ABCC9: variants seen among roughly 807,000 people sequenced by gnomAD.
ABCC9 encodes the protein ATP binding cassette subfamily C member 9, also known as ATP-binding cassette sub-family C member 9.
In ABCC9, 95 loss-of-function variants were observed where a neutral mutation model predicts 188.3. The ratio of observed to expected loss-of-function variants is 0.50; its 90% confidence interval spans 0.43 to 0.60. The LOEUF is 0.60. Ranked by LOEUF, ABCC9 falls within the 20% of genes least tolerant of loss-of-function variation. The pLI, the probability that ABCC9 is intolerant of heterozygous loss-of-function variation, is 0.00. For missense variants in ABCC9, 1,102 were observed against 1,876.3 expected (o/e 0.59, Z 7.62); for synonymous variants, 659 against 652.7 (o/e 1.01, Z -0.15).
chr12:21,814,696 A>G lies in ABCC9; in HGVS notation c.4050T>C (p.Ser1350=). 1.9e-6 allele frequency: 3 copies of G among 1,614,072 alleles called. No homozygotes were observed. The South Asian group carries it at 3.3e-5, about 18-fold the overall frequency. Residue 1350 remains serine (S), a synonymous_variant, in exon 35 of 40, where the codon AGT becomes AGC. Coordinates refer to ENST00000261200, the MANE Select transcript of ABCC9 (RefSeq NM_020297.4). ...QKVGICGRTG[S]GKSSLSLAFF... is the part of the protein sequence containing the mutation. ...AAGCCAGAGATAACGATGATTTCCCACTGCCAGTGCGACCACATATGCCCA... is the reference window on the plus strand; with the variant it reads ...AAGCCAGAGATAACGATGATTTCCCGCTGCCAGTGCGACCACATATGCCCA...
At chr12:21,938,754 A>G (rs1949590113) in intron 2 of ABCC9, among the ~76,000 whole-genome samples, 1 of 152,164 alleles carries the variant, frequency 6.6e-6, no homozygotes, top group African/African-American at 2.4e-5. Context: ...TGCAAATTAC[A>G]CCCTTCATTA....
chr12:21,804,616 T>A (rs1384301666), intron 39 of ABCC9, among the ~76,000 whole-genome samples: 1 of 152,224 alleles, frequency 6.6e-6, no homozygotes, highest in Admixed American at 6.5e-5. Context: ...ACTGGAAAAA[T>A]TCGAGAAAGT....
At chr12:21,808,795 A>AG (rs1280259493) in intron 37 of ABCC9, among the ~76,000 whole-genome samples, 44 of 151,656 alleles carry the variant, frequency 2.9e-4, no homozygotes, top group African/African-American at 9.9e-4. Context: ...AAAAAAAAAA[A>AG]AAAAGAAAAA....
intron 22 of ABCC9, among the ~76,000 whole-genome samples, chr12:21,858,394 T>C (rs1945335160): frequency 6.6e-6 from 1 of 151,078 alleles, no homozygotes; most frequent in Admixed American, 6.6e-5. Flanking sequence ...ACCAATATGG[T>C]GAAACCCAGT....
At chr12:21,823,673 T>G (rs1484490446) in intron 31 of ABCC9, among the ~76,000 whole-genome samples, 1 of 152,254 alleles carries the variant, frequency 6.6e-6, no homozygotes, top group East Asian at 1.9e-4. Flanking sequence ...TAGATAAAGT[T>G]ACACCATTTT....
At chr12:21,939,518 G>C (rs994574857) in intron 2 of ABCC9, among the ~76,000 whole-genome samples, 2 of 152,120 alleles carry the variant, frequency 1.3e-5, no homozygotes, top group African/African-American at 4.8e-5. Context: ...GTTCAATTGG[G>C]AATGTTTGGG....
rs1555100687 is a variant in ABCC9, at chr12:21,882,764, A to G, written c.2019+2T>C. 6.2e-7 allele frequency: 1 copy of G among 1,603,364 alleles called. No homozygotes were observed. The highest frequency in any genetic ancestry group is 8.5e-7 in the Non-Finnish European group (1 of 1,170,212). On this transcript the variant is annotated splice_donor_variant, in intron 16 of 39. Coordinates refer to ENST00000261200, the MANE Select transcript of ABCC9 (RefSeq NM_020297.4). LOFTEE classifies it high-confidence loss of function. ...TGTAAGAATCCAGGAAATAAAAATA[A>G]CCTTTATTGCAATGTCCTCTGTTTC...
At position 21,800,939 on chromosome 12, in the gene ABCC9, CTG is replaced by C. The variant is rs1000050511; in HGVS notation, c.*103_*104del. On this transcript the variant is annotated 3_prime_UTR_variant, in exon 40 of 40. Transcript: ENST00000261200. Reference sequence around the variant, plus strand: ...AAATGTCCACTTTTTGTGCAAAAATCTGTAAAAGTTTTAAGATGCCACTTTAC... The same window carrying C: ...AAATGTCCACTTTTTGTGCAAAAATCTAAAAGTTTTAAGATGCCACTTTAC... 803 of 1,396,788 alleles carry C rather than the reference CTG, an allele frequency of 5.7e-4. 15 individuals carry two copies. In the South Asian group the frequency reaches 6.5e-3, roughly 11 times the overall value. The allele number at this position is 1,396,788 out of a possible 1,614,324, so 86.5% of individuals were successfully genotyped here. A position where few individuals can be genotyped will look rare whatever the true frequency, so the allele number is the denominator to read the frequency against.
At chr12:21,940,677 C>A (rs1949652840) in intron 2 of ABCC9, 33 bp downstream of exon 2, 1 of 152,006 alleles carries the variant, frequency 6.6e-6, no homozygotes, top group Admixed American at 6.6e-5. Flanking sequence ...AAAAAAAATC[C>A]CAAACTGAAC....
At chr12:21,812,459 T>C (rs1942308311) in intron 35 of ABCC9, among the ~76,000 whole-genome samples, 1 of 152,136 alleles carries the variant, frequency 6.6e-6, no homozygotes, top group African/African-American at 2.4e-5. Context: ...CAAATGCCCA[T>C]CAATGATAGA....
intron 5 of ABCC9, among the ~76,000 whole-genome samples, chr12:21,921,399 C>G (rs1948814487): frequency 6.6e-6 from 1 of 151,878 alleles, no homozygotes; most frequent in South Asian, 2.1e-4. Flanking sequence ...GATCTTTTGC[C>G]CCTTTTTTAT....
At chr12:21,874,825 A>G (rs909920407) in intron 17 of ABCC9, among the ~76,000 whole-genome samples, 3 of 152,206 alleles carry the variant, frequency 2.0e-5, no homozygotes, top group Non-Finnish European at 4.4e-5. Flanking sequence ...TAGGTATTTT[A>G]ACTAATTTAG....
rs762583015 is a variant in ABCC9, at chr12:21,882,837, A to G, written c.1948T>C (p.Tyr650His). Reference protein sequence around the residue: ...KTINRKQPGRYHLDSYEQSTR... With the variant: ...KTINRKQPGRHHLDSYEQSTR... Reference sequence around the variant, plus strand: ...GATTGCTCATAGCTGTCCAGGTGATATCTTCCAGGCTGTTTCCTGTTTATA... The same window carrying G: ...GATTGCTCATAGCTGTCCAGGTGATGTCTTCCAGGCTGTTTCCTGTTTATA... Residue 650 changes from tyrosine to histidine, a missense_variant, in exon 16 of 40, where the codon TAT becomes CAT. Transcript: ENST00000261200. 11 of 1,614,100 alleles carry G rather than the reference A, an allele frequency of 6.8e-6. No homozygotes were observed. Among genetic ancestry groups the G allele is most frequent in the Non-Finnish European group, 8.5e-6 (10 of 1,179,960 alleles).
intron 30 of ABCC9, among the ~76,000 whole-genome samples, chr12:21,834,071 C>G (rs1372025010): frequency 1.3e-5 from 2 of 152,200 alleles, no homozygotes; most frequent in Non-Finnish European, 2.9e-5. Context: ...TCGATTCTCT[C>G]CACTTTATCA....
intron 24 of ABCC9, among the ~76,000 whole-genome samples, chr12:21,849,943 C>T (rs1032518250): frequency 6.6e-6 from 1 of 152,040 alleles, no homozygotes. Flanking sequence ...ATATTCTTTC[C>T]TGTTTACCCC....
chr12:21,923,951 C>G, intron 5 of ABCC9: 1 of 607,612 alleles, frequency 1.6e-6, no homozygotes, highest in Non-Finnish European at 2.9e-6. Flanking sequence ...TTGATCTATG[C>G]TACATTACGG....
intron 5 of ABCC9, chr12:21,925,156 G>C (rs906663139): frequency 5.1e-6 from 1 of 194,988 alleles, no homozygotes; most frequent in East Asian, 1.2e-4. Context: ...GAGGTTCATA[G>C]CCCATCTGTG....
At chr12:21,916,348 A>C (rs1948603822) in intron 6 of ABCC9, among the ~76,000 whole-genome samples, 2 of 152,208 alleles carry the variant, frequency 1.3e-5, no homozygotes. Flanking sequence ...TTCTACTCAC[A>C]GATCAAGTTC....
chr12:21,832,609 TTAAAAA>T (rs1943835475), intron 30 of ABCC9, among the ~76,000 whole-genome samples: 2 of 151,572 alleles, frequency 1.3e-5, no homozygotes, highest in Non-Finnish European at 2.9e-5. Context: ...TGGCCATAGT[TTAAAAA>T]TAAAAAAAAA....
Sources: allele counts gnomAD v4.1 joint callset (sites outside exome capture counted in the v4.1 genomes callset), GRCh38; gene constraint gnomAD v4.1.1; transcripts MANE v1.5; gene names NCBI Gene and HGNC (gene_info 2026-07-23, HGNC 2026-07-21).